The following NEO1 variants were observed in gnomAD, a reference collection of about 807,000 sequenced individuals.
NEO1 encodes the protein neogenin 1, also known as neogenin.
Under a neutral mutation model 159.7 loss-of-function variants are expected in NEO1, and 63 were observed. The observed-to-expected ratio is 0.39, with a 90% CI of 0.32 to 0.49. NEO1 has a LOEUF of 0.49. Ranked by LOEUF, NEO1 falls within the 20% of genes least tolerant of loss-of-function variation. The pLI, the probability that NEO1 is intolerant of heterozygous loss-of-function variation, is 0.85. For synonymous variants in NEO1, 633 were observed against 662.0 expected, an observed-to-expected ratio of 0.96 and a Z score of 0.67; for missense variants, 1,615 against 1,831.0, an observed-to-expected ratio of 0.88 and a Z score of 2.15.
At chr15:73,296,183 A>C (rs961584433) in intron 26 of NEO1, among the ~76,000 whole-genome samples, 7 of 152,200 alleles carry the variant, frequency 4.6e-5, no homozygotes, top group African/African-American at 1.7e-4. Context: ...CCGTTGAGGC[A>C]GTCAGGAGAG....
At chr15:73,297,100 A>C (rs1567725839) in intron 26 of NEO1, among the ~76,000 whole-genome samples, 1 of 152,190 alleles carries the variant, frequency 6.6e-6, no homozygotes, top group Non-Finnish European at 1.5e-5. Flanking sequence ...GAAGCTGGTC[A>C]CCAGCTCATG....
At chr15:73,213,816 C>T (rs1474077879) in intron 7 of NEO1, among the ~76,000 whole-genome samples, 1 of 152,140 alleles carries the variant, frequency 6.6e-6, no homozygotes, top group Non-Finnish European at 1.5e-5. Context: ...AATGGTAGTT[C>T]TACTTTTAAT....
intron 26 of NEO1, among the ~76,000 whole-genome samples, chr15:73,294,165 G>T (rs571241386): frequency 2.0e-5 from 3 of 152,324 alleles, no homozygotes; most frequent in Non-Finnish European, 4.4e-5. Context: ...AAAGAAATAC[G>T]TTGCTAGACA....
chr15:73,178,757 A>G (rs563098979), intron 7 of NEO1, among the ~76,000 whole-genome samples: 40 of 152,264 alleles, frequency 2.6e-4, no homozygotes, highest in African/African-American at 7.5e-4. Flanking sequence ...TTCCAATTCT[A>G]TACACTTTTA....
intron 7 of NEO1, among the ~76,000 whole-genome samples, chr15:73,186,440 T>C (rs1186604133): frequency 6.6e-6 from 1 of 152,156 alleles, no homozygotes; most frequent in African/African-American, 2.4e-5. Flanking sequence ...AATTTGTTGC[T>C]GACATACCCA....
chr15:73,178,294 T>C lies in NEO1; in HGVS notation c.1171-13T>C. On this transcript the variant is annotated splice_polypyrimidine_tract_variant and intron_variant, in intron 6 of 28. Transcript: ENST00000261908. ...TTAAATTATGTAATTTTATTTATGC[T>C]TTTCTTCTTCAGAAGGAACATAATC... 1 of 1,608,586 alleles carries C rather than the reference T, an allele frequency of 6.2e-7. No homozygotes were observed. Among genetic ancestry groups the C allele is most frequent in the Non-Finnish European group, 8.5e-7 (1 of 1,176,520 alleles).
At position 73,178,148 on chromosome 15, in the gene NEO1, T is replaced by C. The variant is rs570445905; in HGVS notation, c.1171-159T>C. On this transcript the variant is annotated intron_variant, in intron 6 of 28. Coordinates refer to ENST00000261908, the MANE Select transcript of NEO1 (RefSeq NM_002499.4). ...TTAAATTGGTACCTTGCCAATGCTTTAGTATGAAATTGAGTTAACAAGTAC... is the reference window on the plus strand; with the variant it reads ...TTAAATTGGTACCTTGCCAATGCTTCAGTATGAAATTGAGTTAACAAGTAC... Among the ~76,000 whole-genome samples the C allele has an allele frequency of 2.0e-5, 3 of 152,314 alleles. No homozygotes were observed. In the South Asian group the frequency reaches 6.2e-4, roughly 32 times the overall value.
At position 73,098,098 on chromosome 15, in the gene NEO1, CA is replaced by C. The variant is rs1274222632; in HGVS notation, c.131-18441del. On this transcript the variant is annotated intron_variant, in intron 1 of 28. Coordinates refer to ENST00000261908, the MANE Select transcript of NEO1 (RefSeq NM_002499.4). ...TTATCCCACAACACACACACACACA[CA>C]CACCCTCAGAATAACAATACTAATG... 2.3e-3 allele frequency among the ~76,000 whole-genome samples: 343 copies of C among 152,092 alleles called. 3 individuals carry two copies. The highest frequency in any genetic ancestry group is 3.7e-4 in the Non-Finnish European group (25 of 68,008).
chr15:73,254,868 C>T (rs1231152362), intron 13 of NEO1, 39 bp downstream of exon 13: 9 of 1,587,388 alleles, frequency 5.7e-6, no homozygotes, highest in Non-Finnish European at 7.7e-6. Context: ...TACACTGTGT[C>T]TTTCTCAGAT....
chr15:73,295,933 C>T (rs961552194), intron 26 of NEO1, among the ~76,000 whole-genome samples: 2 of 152,186 alleles, frequency 1.3e-5, no homozygotes, highest in African/African-American at 4.8e-5. Flanking sequence ...AAGTAGCCCC[C>T]TTGCCAAAGC....
At chr15:73,194,521 A>C (rs2036423794) in intron 7 of NEO1, among the ~76,000 whole-genome samples, 1 of 152,118 alleles carries the variant, frequency 6.6e-6, no homozygotes, top group Non-Finnish European at 1.5e-5. Flanking sequence ...AGAGAGGAGG[A>C]GGTTCCAGGC....
chr15:73,236,590 T>C (rs2039185349), intron 8 of NEO1, 84 bp downstream of exon 8: 2 of 1,211,500 alleles, frequency 1.7e-6, no homozygotes, highest in Admixed American at 3.8e-5. Context: ...TTGGTATCTG[T>C]ACCAATTTTT....
chr15:73,104,115 G>A (rs553810075), intron 1 of NEO1, among the ~76,000 whole-genome samples: 58 of 152,226 alleles, frequency 3.8e-4, no homozygotes, highest in Non-Finnish European at 7.6e-4. Context: ...TCTTGCCTTG[G>A]CTTCCCAAAG....
intron 11 of NEO1, among the ~76,000 whole-genome samples, chr15:73,251,805 A>G (rs1249234113): frequency 2.6e-5 from 4 of 152,210 alleles, no homozygotes; most frequent in African/African-American, 4.8e-5. Flanking sequence ...TGAAACAAAT[A>G]TCTTGGACAA....
intron 1 of NEO1, among the ~76,000 whole-genome samples, chr15:73,056,050 C>T (rs2067679706): frequency 6.6e-6 from 1 of 152,168 alleles, no homozygotes; most frequent in African/African-American, 2.4e-5. Flanking sequence ...TTTTCCTGAG[C>T]ATGCCACTCT....
intron 28 of NEO1, among the ~76,000 whole-genome samples, chr15:73,301,953 G>A (rs971741750): frequency 7.9e-5 from 12 of 152,198 alleles, no homozygotes; most frequent in African/African-American, 2.7e-4. Context: ...ACAGGCGTGA[G>A]CCACCACGCT....
upstream of NEO1, among the ~76,000 whole-genome samples, chr15:73,052,270 T>C (rs991803749): frequency 3.5e-5 from 5 of 141,856 alleles, no homozygotes; most frequent in African/African-American, 1.3e-4. Context: ...GGCGCGCGCG[T>C]GCGCGTGTGC....
chr15:73,085,853 A>G (rs1183316385), intron 1 of NEO1, among the ~76,000 whole-genome samples: 1 of 152,134 alleles, frequency 6.6e-6, no homozygotes, highest in African/African-American at 2.4e-5. Context: ...TATTTTTTAT[A>G]CAATTTATTT....
In NEO1 at chr15:73,113,199, A is replaced by G. The variant is rs557259544; in HGVS notation, c.131-3341A>G. ...ACTGGCTTTTTTTTTTTGCTCTTCC[A>G]TATAGTTTTGTAAACACTCATCAGA... On this transcript the variant is annotated intron_variant, in intron 1 of 28. Coordinates refer to ENST00000261908, the MANE Select transcript of NEO1 (RefSeq NM_002499.4). Among the ~76,000 whole-genome samples the G allele has an allele frequency of 2.7e-5, 4 of 149,746 alleles. No individual in the cohort carries two copies. In the South Asian group the frequency reaches 8.5e-4, roughly 32 times the overall value.
Sources: gnomAD v4.1 joint callset for allele counts (sites outside exome capture counted in the v4.1 genomes callset) on GRCh38, gnomAD v4.1.1 for gene constraint, MANE v1.5 for transcripts, NCBI Gene and HGNC (gene_info 2026-07-23, HGNC 2026-07-21) for gene names.